Variants in DOCK7 observed in about 807,000 individuals in gnomAD.
The protein encoded by DOCK7 is dedicator of cytokinesis 7, also known as dedicator of cytokinesis protein 7.
DOCK7 carries 138 observed loss-of-function variants against 271.0 expected under a neutral mutation model. The observed-to-expected ratio is 0.51, with a 90% CI of 0.44 to 0.59. The LOEUF (loss-of-function observed/expected upper bound fraction) is 0.59. DOCK7 is among the 20% of genes least tolerant of loss of function. The probability of loss-of-function intolerance (pLI) is 0.00; values close to 1 mark genes in which losing one functional copy is unlikely to be tolerated. For missense variants in DOCK7, 2,066 were observed against 2,592.4 expected, an observed-to-expected ratio of 0.80 and a Z score of 4.41; for synonymous variants, 823 against 876.1, an observed-to-expected ratio of 0.94 and a Z score of 1.07.
intron 24 of DOCK7, 98 bp downstream of exon 24, chr1:62,543,558 C>G: frequency 1.2e-6 from 1 of 827,178 alleles, no homozygotes; most frequent in Non-Finnish European, 1.9e-6. Flanking sequence ...AATGCAATTA[C>G]TGTAAGTATC....
chr1:62,602,465 A>ATATTTACAAATATTTACTG, intron 14 of DOCK7: 2 of 1,198,628 alleles, frequency 1.7e-6, no homozygotes, highest in South Asian at 2.4e-5. Flanking sequence ...GTATTAGGAA[A>ATATTTACAAATATTTACTG]AGTAGTAACG....
At chr1:62,657,009 C>T (rs1022361243) in intron 2 of DOCK7, among the ~76,000 whole-genome samples, 2 of 152,160 alleles carry the variant, frequency 1.3e-5, no homozygotes, top group African/African-American at 4.8e-5. Flanking sequence ...TCCTATCTAC[C>T]GAGCAATAAT....
intron 47 of DOCK7, among the ~76,000 whole-genome samples, chr1:62,474,511 G>T (rs1227213797): frequency 2.0e-5 from 3 of 152,190 alleles, no homozygotes; most frequent in Non-Finnish European, 4.4e-5. Flanking sequence ...TGTTAAAGAA[G>T]ATAATCTTTT....
At chr1:62,538,594 T>C (rs893481382) in intron 27 of DOCK7, among the ~76,000 whole-genome samples, 9 of 152,182 alleles carry the variant, frequency 5.9e-5, no homozygotes, top group African/African-American at 2.2e-4. Flanking sequence ...CAATAGTACA[T>C]AAAGTTTTGG....
Position 62,665,639 on chromosome 1 carries a change from G to A in DOCK7, c.39-2509C>T, listed in dbSNP as rs184187742. Among the ~76,000 whole-genome samples, 446 of 139,216 alleles carry A rather than the reference G, an allele frequency of 3.2e-3. 5 individuals carry two copies. Among genetic ancestry groups the A allele is most frequent in the Non-Finnish European group, 4.4e-3 (292 of 65,726 alleles). 91.3% of individuals were successfully genotyped at this position (139,216 alleles called of 152,430 possible). ...AGAATCGCTTGAATCCACGGAGGTT[G>A]CGGTGAGCCGAGATCACGTCAAGCC... On this transcript the variant is annotated intron_variant, in intron 1 of 49. Coordinates refer to ENST00000635253, the MANE Select transcript of DOCK7 (RefSeq NM_001367561.1).
intron 43 of DOCK7, chr1:62,484,459 C>A (rs572177640): frequency 2.6e-5 from 4 of 152,008 alleles, no homozygotes; most frequent in Non-Finnish European, 5.9e-5. Context: ...AATACAAATT[C>A]GTCACTATTT....
intron 39 of DOCK7, 161 bp downstream of exon 39, chr1:62,495,420 C>T: frequency 2.1e-6 from 1 of 466,044 alleles, no homozygotes; most frequent in Non-Finnish European, 3.5e-6. Context: ...GGTAAAACCC[C>T]ATCTCTACAA....
At chr1:62,474,515 A>G (rs1189997778) in intron 47 of DOCK7, among the ~76,000 whole-genome samples, 1 of 152,252 alleles carries the variant, frequency 6.6e-6, no homozygotes, top group East Asian at 1.9e-4. Context: ...AAAGAAGATA[A>G]TCTTTTGTAA....
intron 14 of DOCK7, chr1:62,604,694 A>T (rs768517342): frequency 6.2e-7 from 1 of 1,613,350 alleles, no homozygotes; most frequent in South Asian, 1.1e-5. Flanking sequence ...ATAACAAACC[A>T]AGAGCAAAAT....
Position 62,644,012 on chromosome 1 carries a change from T to C in DOCK7, c.818+3679A>G, listed in dbSNP as rs554775474. Among the ~76,000 whole-genome samples, 5 of 152,126 alleles carry C rather than the reference T, an allele frequency of 3.3e-5. No individual in the cohort carries two copies. The South Asian group carries it at 1.0e-3, about 31-fold the overall frequency. On this transcript the variant is annotated intron_variant, in intron 7 of 49. Transcript: ENST00000635253. Reference sequence around the variant, plus strand: ...ATTTTAAAATAATTATTTACTTAAATATATTAAAAGTACTTATATTCTAAA... The same window carrying C: ...ATTTTAAAATAATTATTTACTTAAACATATTAAAAGTACTTATATTCTAAA...
At chr1:62,661,941 A>C (rs146824932) in intron 2 of DOCK7, among the ~76,000 whole-genome samples, 44 of 152,346 alleles carry the variant, frequency 2.9e-4, no homozygotes, top group Middle Eastern at 3.4e-3. Flanking sequence ...ATGTACATTG[A>C]AATCAGCCAA....
chr1:62,465,030 G>A (rs1256895118), intron 48 of DOCK7, among the ~76,000 whole-genome samples: 2 of 152,122 alleles, frequency 1.3e-5, no homozygotes, highest in Non-Finnish European at 2.9e-5. Flanking sequence ...GACCCTGCAT[G>A]GCACCATTTG....
intron 7 of DOCK7, among the ~76,000 whole-genome samples, chr1:62,646,599 C>T (rs1052430634): frequency 6.6e-6 from 1 of 152,182 alleles, no homozygotes; most frequent in African/African-American, 2.4e-5. Flanking sequence ...TGTGAGAATG[C>T]AGCAAGCAGC....
At chr1:62,639,491 G>C (rs1397032006) in intron 7 of DOCK7, among the ~76,000 whole-genome samples, 1 of 133,746 alleles carries the variant, frequency 7.5e-6, no homozygotes, top group East Asian at 2.2e-4. Flanking sequence ...CTGGAGTGCA[G>C]TGGCTCGATC....
chr1:62,618,879 T>C lies in DOCK7; in HGVS notation c.1520-11A>G, dbSNP rs1431954800. ...CTATCTTGAGCTGAGCTGCAAATTA[T>C]ATATTAAAAAACAATGTAAAGACAA... On this transcript the variant is annotated splice_polypyrimidine_tract_variant and intron_variant, in intron 13 of 49. Coordinates refer to ENST00000635253, the MANE Select transcript of DOCK7 (RefSeq NM_001367561.1). The C allele has an allele frequency of 1.2e-6, 2 of 1,609,816 alleles. No homozygotes were observed. The highest frequency in any genetic ancestry group is 1.7e-6 in the Non-Finnish European group (2 of 1,177,436).
chr1:62,620,308 C>G (rs1653002090), intron 12 of DOCK7, among the ~76,000 whole-genome samples: 1 of 150,714 alleles, frequency 6.6e-6, no homozygotes, highest in African/African-American at 2.4e-5. Context: ...GAGCAAGACT[C>G]TGTCTCAAAA....
intron 10 of DOCK7, 114 bp from the exon 11 acceptor site, chr1:62,631,519 A>C: frequency 4.3e-6 from 4 of 940,170 alleles, no homozygotes; most frequent in Non-Finnish European, 6.2e-6. Flanking sequence ...AGCAGAGATG[A>C]GAAAAAAATC....
At chr1:62,651,355 C>T (rs866696025) in intron 4 of DOCK7, among the ~76,000 whole-genome samples, 29 of 146,530 alleles carry the variant, frequency 2.0e-4, no homozygotes, top group African/African-American at 6.6e-4. Flanking sequence ...ATATAAATGA[C>T]GAGTTAATGG....
In DOCK7 at chr1:62,528,158, G is replaced by GT; in HGVS notation, c.3928dup (p.Thr1310AsnfsTer32). ...TAGGAGGATTGTTTTTACCGTTGAC[G>GT]TGAGGAGGAAACTGCCAGGCCTTGT... On this transcript the variant is annotated frameshift_variant, in exon 31 of 50. Coordinates refer to ENST00000635253, the MANE Select transcript of DOCK7 (RefSeq NM_001367561.1). LOFTEE classifies it high-confidence loss of function. 2 of 1,608,886 alleles carry GT rather than the reference G, an allele frequency of 1.2e-6. No homozygotes were observed. The highest frequency in any genetic ancestry group is 1.7e-6 in the Non-Finnish European group (2 of 1,177,866).
Sources: gnomAD v4.1 joint callset for allele counts (sites outside exome capture counted in the v4.1 genomes callset) on GRCh38, gnomAD v4.1.1 for gene constraint, MANE v1.5 for transcripts, NCBI Gene and HGNC (gene_info 2026-07-23, HGNC 2026-07-21) for gene names.